The following ZNF217 variants were observed in gnomAD, a reference collection of about 807,000 sequenced individuals.
ZNF217 encodes the protein zinc finger protein 217.
A neutral mutation model predicts 73.3 loss-of-function variants in ZNF217; 12 were observed. The observed-to-expected ratio is 0.16, with a 90% confidence interval of 0.10 to 0.27. The LOEUF (loss-of-function observed/expected upper bound fraction) is 0.27. ZNF217 is among the 10% of genes least tolerant of loss of function. ZNF217 has a pLI of 1.00. For synonymous variants in ZNF217, 588 were observed against 516.4 expected (o/e 1.14, Z -1.88); for missense variants, 1,195 against 1,327.8 (o/e 0.90, Z 1.55).
intron 4 of ZNF217, 52 bp from the exon 5 acceptor site, chr20:53,571,905 A>G (rs753406096): frequency 6.4e-7 from 1 of 1,556,286 alleles, no homozygotes; most frequent in Non-Finnish European, 8.6e-7. Context: ...ATTAGGTAAG[A>G]TGTGTATAGG....
chr20:53,589,672 G>A (rs1383018121), intron 1 of ZNF217, among the ~76,000 whole-genome samples: 1 of 152,160 alleles, frequency 6.6e-6, no homozygotes, highest in South Asian at 2.1e-4. Context: ...CTTTGCCCCA[G>A]ATACCACTGC....
chr20:53,573,360 C>T (rs1476750528), intron 4 of ZNF217, among the ~76,000 whole-genome samples: 4 of 152,164 alleles, frequency 2.6e-5, no homozygotes. Context: ...CCTGGGATTA[C>T]AGGCGTGAGC....
upstream of ZNF217, among the ~76,000 whole-genome samples, chr20:53,596,181 A>G (rs1989038614): frequency 6.6e-6 from 1 of 152,082 alleles, no homozygotes; most frequent in South Asian, 2.1e-4. Context: ...GTGCCCTCCA[A>G]AGCTACCACT....
chr20:53,594,439 G>GC (rs1448339321), upstream of ZNF217, among the ~76,000 whole-genome samples: 9 of 148,128 alleles, frequency 6.1e-5, no homozygotes, highest in East Asian at 1.2e-3. Flanking sequence ...CCCCTGCTCC[G>GC]CCCCCCGCCG....
rs753068753 is a variant in ZNF217 at position 53,575,886 on chromosome 20, C to G, written c.2878G>C (p.Val960Leu). The stretch of plus-strand genomic sequence containing the variant: ...GGAGGCAGCGCCTGCGACGGATACA[C>G]ACAGTCCTGCGGTAACAGTGATGTG... Reference protein sequence around the residue: ...GITSLLPQDCVYPSQALPPKP... With the variant: ...GITSLLPQDCLYPSQALPPKP... Residue 960 changes from valine to leucine, a missense_variant, in exon 4 of 6, where the codon GTG becomes CTG. By Grantham distance (32) the Val-to-Leu change is conservative. This residue lies in a region of ZNF217 where 649 missense variants were observed against 642.8 expected (regional missense o/e 1.01). Coordinates refer to ENST00000371471, the MANE Select transcript of ZNF217 (RefSeq NM_006526.3). The G allele has an allele frequency of 1.2e-6, 2 of 1,614,250 alleles. No homozygotes were observed. The highest frequency in any genetic ancestry group is 2.2e-5 in the South Asian group (2 of 91,088).
chr20:53,595,155 A>G (rs1450155006), upstream of ZNF217, among the ~76,000 whole-genome samples: 2 of 152,142 alleles, frequency 1.3e-5, no homozygotes, highest in Non-Finnish European at 2.9e-5. Flanking sequence ...GGACAAAAAA[A>G]AGATCCTGAT....
Position 53,592,836 on chromosome 20 carries a change from TA to T in ZNF217, c.-343+919del, listed in dbSNP as rs1279504231. On this transcript the variant is annotated intron_variant, in intron 1 of 5. Transcript: ENST00000371471. ...GGCACCTCCTGGCAGAAACTTCCCT[TA>T]AAAAAAAAAAAAAAGAAAAGAAAAA... 7.4e-3 allele frequency among the ~76,000 whole-genome samples: 854 copies of T among 115,462 alleles called. 2 individuals are homozygous for T. The highest frequency in any genetic ancestry group is 0.014 in the African/African-American group (448 of 31,186). The allele number at this position is 115,462 out of a possible 152,430, so 75.7% of individuals were successfully genotyped here.
At chr20:53,570,062 C>T (rs951393210) in intron 5 of ZNF217, among the ~76,000 whole-genome samples, 28 of 152,178 alleles carry the variant, frequency 1.8e-4, no homozygotes, top group Non-Finnish European at 4.1e-4. Context: ...AAGCTCAGAG[C>T]TCCCAGAGAG....
At chr20:53,569,360 T>C (rs1987890589) in intron 5 of ZNF217, 96 bp from the exon 6 acceptor site, 2 of 890,380 alleles carry the variant, frequency 2.2e-6, no homozygotes, top group South Asian at 3.6e-5. Flanking sequence ...AGAACCAAAC[T>C]GACCTAGAAA....
rs1320663483 is a variant in ZNF217, at chr20:53,569,083, T to C, written c.*205A>G. 8.0e-7 allele frequency: 1 copy of C among 1,243,532 alleles called. No individual in the cohort carries two copies. The highest frequency in any genetic ancestry group is 1.0e-6 in the Non-Finnish European group (1 of 960,174). The allele number at this position is 1,243,532 out of a possible 1,614,324, so 77.0% of individuals were successfully genotyped here. ...TTCCAACTGTTCCAACTAGTTTGTA[T>C]TGCTATTTGGTACAAAAGTTAACAG... On this transcript the variant is annotated 3_prime_UTR_variant, in exon 6 of 6. Coordinates refer to ENST00000371471, the MANE Select transcript of ZNF217 (RefSeq NM_006526.3).
chr20:53,581,692 C>G lies in ZNF217; in HGVS notation c.1135G>C (p.Glu379Gln), dbSNP rs771475503. 6.2e-7 allele frequency: 1 copy of G among 1,614,228 alleles called. No homozygotes were observed. The highest frequency in any genetic ancestry group is 8.5e-7 in the Non-Finnish European group (1 of 1,180,038). Residue 379 changes from glutamate to glutamine, a missense_variant, in exon 2 of 6, where the codon GAG becomes CAG. Glu to Gln is a conservative substitution (Grantham distance 29). This residue lies in a region of ZNF217 where 102 missense variants were observed against 91.9 expected (regional missense o/e 1.11). Transcript: ENST00000371471. This position sits in a 1 kb window ranked among gnomAD's most constrained non-coding sequence, Gnocchi z 4.9. ...SSKEKPTHCS[E>Q]CGKAFRTYHQ... is the part of the protein sequence containing the mutation. ...TAGGTTCTGAAAGCTTTGCCGCACTCGGAGCAGTGAGTGGGCTTCTCCTTG... is the reference window on the plus strand; with the variant it reads ...TAGGTTCTGAAAGCTTTGCCGCACTGGGAGCAGTGAGTGGGCTTCTCCTTG...
At chr20:53,579,333 C>T (rs1255303839) in intron 2 of ZNF217, among the ~76,000 whole-genome samples, 2 of 152,142 alleles carry the variant, frequency 1.3e-5, no homozygotes, top group Non-Finnish European at 1.5e-5. Context: ...TCACTATCCA[C>T]CTGTAAGACA....
intron 4 of ZNF217, chr20:53,572,796 G>C (rs1004105868): frequency 6.6e-6 from 1 of 152,158 alleles, no homozygotes; most frequent in Non-Finnish European, 1.5e-5. Context: ...GCTGCAGTTT[G>C]ACCGAGTTTG....
Position 53,582,791 on chromosome 20 carries a change from T to C in ZNF217, c.36A>G (p.Gln12=), listed in dbSNP as rs143915391. ...QSKVTGNMPT[Q]SLLMYMDGPE... ...GCCCATCCATGTACATTAAGAGGGA[T>C]TGAGTTGGCATGTTTCCTGTCACTT... Residue 12 remains glutamine (Q), a synonymous_variant, in exon 2 of 6, where the codon CAA becomes CAG. Coordinates refer to ENST00000371471, the MANE Select transcript of ZNF217 (RefSeq NM_006526.3). The surrounding 1 kb of genome is among the most constrained non-coding windows in gnomAD (Gnocchi z 4.8). 43 of 1,609,010 alleles carry C rather than the reference T, an allele frequency of 2.7e-5. No individual in the cohort carries two copies. Among genetic ancestry groups the C allele is most frequent in the Admixed American group, 3.4e-5 (2 of 59,264 alleles).
intron 1 of ZNF217, among the ~76,000 whole-genome samples, chr20:53,585,355 T>C (rs544195928): frequency 4.0e-5 from 6 of 151,786 alleles, no homozygotes; most frequent in Non-Finnish European, 8.8e-5. Flanking sequence ...AGGCCAGGAG[T>C]TGGAGACCAG....
rs1328397290 is a variant in ZNF217, at chr20:53,582,636, G to A, written c.191C>T (p.Pro64Leu). ...KNVIQIEGYMPLDCMFCSQTF... is the reference protein window; with the variant it reads ...KNVIQIEGYMLLDCMFCSQTF... ...CTGGCTGCAGAACATGCAATCCAAG[G>A]GCATATACCCCTCGATTTGGATGAC... is the stretch of plus-strand genomic sequence containing the variant. The change falls in exon 2 of 6, where the codon CCC (proline) becomes CTC (leucine). Residue 64 changes from proline to leucine, a missense_variant. Transcript: ENST00000371471. The surrounding 1 kb of genome is among the most constrained non-coding windows in gnomAD (Gnocchi z 4.8). The A allele has an allele frequency of 6.2e-7, 1 of 1,613,976 alleles. No homozygotes were observed. Among genetic ancestry groups the A allele is most frequent in the Non-Finnish European group, 8.5e-7 (1 of 1,180,018 alleles).
At chr20:53,574,093 C>T (rs147428299) in intron 4 of ZNF217, among the ~76,000 whole-genome samples, 5 of 151,800 alleles carry the variant, frequency 3.3e-5, no homozygotes, top group East Asian at 1.9e-4. Flanking sequence ...ATCATCTCTT[C>T]GTTATTTATA....
intron 1 of ZNF217, among the ~76,000 whole-genome samples, chr20:53,585,147 C>T (rs938525726): frequency 3.1e-5 from 4 of 127,406 alleles, no homozygotes; most frequent in African/African-American, 1.2e-4. Flanking sequence ...CAGCTCTCAA[C>T]ATTATTACTG....
chr20:53,593,653 G>T (rs1014785123), intron 1 of ZNF217, 103 bp downstream of exon 1: 2 of 151,448 alleles, frequency 1.3e-5, no homozygotes, highest in Non-Finnish European at 1.5e-5. Flanking sequence ...TCCTGGGGGG[G>T]GACAAGACAA....
Sources: gnomAD v4.1 joint callset for allele counts (sites outside exome capture counted in the v4.1 genomes callset) on GRCh38, gnomAD v4.1.1 for gene constraint, gnomAD v4.1.1 regional missense constraint, Gnocchi (gnomAD v3.1) non-coding constraint, MANE v1.5 for transcripts, NCBI Gene and HGNC (gene_info 2026-07-23, HGNC 2026-07-21) for gene names.